The following FRMD4A variants were observed in gnomAD, a reference collection of about 807,000 sequenced individuals.
The protein encoded by FRMD4A is FERM domain-containing protein 4A.
A neutral mutation model predicts 129.1 loss-of-function variants in FRMD4A; 29 were observed. The observed-to-expected ratio is 0.22, with a 90% CI of 0.17 to 0.31. The LOEUF is 0.31. Among genes scored for constraint, FRMD4A ranks in the 10% least tolerant of loss-of-function variants. The pLI is 1.00. For missense variants in FRMD4A, 1,272 were observed against 1,375.8 expected, an observed-to-expected ratio of 0.92 and a Z score of 1.19; for synonymous variants, 634 against 571.6, an observed-to-expected ratio of 1.11 and a Z score of -1.56.
intron 2 of FRMD4A, among the ~76,000 whole-genome samples, chr10:14,011,881 C>A (rs975585940): frequency 6.6e-6 from 1 of 151,990 alleles, no homozygotes; most frequent in Admixed American, 6.6e-5. Context: ...TGGTGGTGGG[C>A]ACCTGTCATC....
In FRMD4A at chr10:13,884,154, T is replaced by TCACTCACACACACACA. The variant is rs1564970810; in HGVS notation, c.46-25243_46-25242insTGTGTGTGTGTGAGTG. 1.1e-3 allele frequency among the ~76,000 whole-genome samples: 121 copies of TCACTCACACACACACA among 111,216 alleles called. 5 individuals carry two copies. The highest frequency in any genetic ancestry group is 4.0e-3 in the African/African-American group (113 of 27,924). 73.0% of individuals were successfully genotyped at this position (111,216 alleles called of 152,430 possible). ...CACGCTCACACACACTCTCACACAC[T>TCACTCACACACACACA]CTCACACACACACTCACACACTCAC... is the stretch of plus-strand genomic sequence containing the variant. On this transcript the variant is annotated intron_variant, in intron 2 of 24. Coordinates refer to ENST00000357447, the MANE Select transcript of FRMD4A (RefSeq NM_018027.5).
intron 2 of FRMD4A, among the ~76,000 whole-genome samples, chr10:14,329,610 A>G (rs1038368124): frequency 1.3e-5 from 2 of 152,190 alleles, no homozygotes; most frequent in African/African-American, 4.8e-5. Flanking sequence ...ACAGGAAAGT[A>G]TGAGCAGATA....
intron 8 of FRMD4A, among the ~76,000 whole-genome samples, chr10:13,753,344 T>C (rs1050702727): frequency 1.3e-5 from 2 of 151,982 alleles, no homozygotes; most frequent in African/African-American, 4.8e-5. Flanking sequence ...TTGGGTTGGG[T>C]CCCATCTGTC....
chr10:13,812,758 C>G (rs1170137996), intron 3 of FRMD4A, among the ~76,000 whole-genome samples: 2 of 152,222 alleles, frequency 1.3e-5, no homozygotes, highest in Non-Finnish European at 2.9e-5. Flanking sequence ...AAGCTTCCTC[C>G]CCAGCAGACA....
chr10:14,235,851 T>A (rs1437352066), intron 2 of FRMD4A, among the ~76,000 whole-genome samples: 1 of 152,244 alleles, frequency 6.6e-6, no homozygotes. Context: ...CTGTATAGAA[T>A]TAAGCACAGA....
Position 13,971,985 on chromosome 10 carries a change from C to T in FRMD4A, c.46-113073G>A, listed in dbSNP as rs1051949249. 5 of 1,184,238 alleles carry T rather than the reference C, an allele frequency of 4.2e-6. No homozygotes were observed. In the African/African-American group the frequency reaches 6.4e-5, roughly 15 times the overall value. 73.4% of individuals were successfully genotyped at this position (1,184,238 alleles called of 1,614,324 possible). On this transcript the variant is annotated intron_variant, in intron 2 of 24. Coordinates refer to ENST00000357447, the MANE Select transcript of FRMD4A (RefSeq NM_018027.5). ...TACCCTCACCACCACCCTCACTAAT[C>T]CTCAGAGACTGCTTTCCTTCAAGGA...
intron 2 of FRMD4A, among the ~76,000 whole-genome samples, chr10:13,884,966 G>C (rs975454938): frequency 2.0e-5 from 3 of 152,218 alleles, no homozygotes; most frequent in African/African-American, 7.2e-5. Flanking sequence ...CACTTCTACA[G>C]CCAGCTGGCT....
intron 3 of FRMD4A, among the ~76,000 whole-genome samples, chr10:13,836,186 C>T (rs910793503): frequency 4.6e-5 from 7 of 152,226 alleles, no homozygotes; most frequent in South Asian, 4.2e-4. Context: ...GTAGTAGAGA[C>T]GGGGTTTTGC....
chr10:13,731,632 A>G (rs1406128927), intron 12 of FRMD4A, among the ~76,000 whole-genome samples: 2 of 144,606 alleles, frequency 1.4e-5, no homozygotes, highest in Non-Finnish European at 3.0e-5. Flanking sequence ...CTGGGCAACA[A>G]GAGCAAGACT....
At chr10:13,894,604 CT>C (rs530348890) in intron 2 of FRMD4A, among the ~76,000 whole-genome samples, 89 of 152,312 alleles carry the variant, frequency 5.8e-4, no homozygotes, top group African/African-American at 2.0e-3. Flanking sequence ...TCCTCTTTGT[CT>C]TCATCACATA....
intron 3 of FRMD4A, among the ~76,000 whole-genome samples, chr10:13,844,431 A>T (rs544273309): frequency 6.6e-6 from 1 of 152,272 alleles, no homozygotes; most frequent in South Asian, 2.1e-4. Flanking sequence ...AATATGGTCT[A>T]CTGATATTTT....
intron 2 of FRMD4A, among the ~76,000 whole-genome samples, chr10:14,103,967 C>T (rs1433126693): frequency 6.6e-6 from 1 of 152,230 alleles, no homozygotes; most frequent in Non-Finnish European, 1.5e-5. Context: ...AAGCTGAAGT[C>T]AACCAACTAC....
chr10:13,928,636 C>A (rs1269760938), intron 2 of FRMD4A, among the ~76,000 whole-genome samples: 1 of 152,114 alleles, frequency 6.6e-6, no homozygotes, highest in Non-Finnish European at 1.5e-5. Context: ...TCCTTAATGG[C>A]CTGTTCGTGA....
intron 9 of FRMD4A, among the ~76,000 whole-genome samples, chr10:13,742,275 G>A (rs926951368): frequency 7.9e-5 from 12 of 152,150 alleles, no homozygotes; most frequent in African/African-American, 1.9e-4. Flanking sequence ...TCCCACCCCC[G>A]CTTTCGGAAG....
intron 11 of FRMD4A, among the ~76,000 whole-genome samples, chr10:13,739,127 G>A (rs773469429): frequency 3.9e-5 from 6 of 152,118 alleles, no homozygotes; most frequent in South Asian, 2.1e-4. Flanking sequence ...CTGGCATCAC[G>A]GTTTTGAAAT....
chr10:14,307,979 T>A (rs557196338), intron 2 of FRMD4A, among the ~76,000 whole-genome samples: 25 of 150,946 alleles, frequency 1.7e-4, no homozygotes, highest in Non-Finnish European at 2.5e-4. Flanking sequence ...TGTTGAAGGC[T>A]GGTGGCAAAA....
Position 13,937,704 on chromosome 10 carries a change from C to A in FRMD4A, c.46-78792G>T, listed in dbSNP as rs150769249. 2.3e-3 allele frequency among the ~76,000 whole-genome samples: 347 copies of A among 152,266 alleles called. 3 individuals carry two copies. Among genetic ancestry groups the A allele is most frequent in the African/African-American group, 7.9e-3 (327 of 41,564 alleles). ...ATAAAACTGAAATGAAAAAAAGGGA[C>A]TTAAAATTAAAATTTAAAAAGCTCT... On this transcript the variant is annotated intron_variant, in intron 2 of 24. Transcript: ENST00000357447.
chr10:13,947,234 G>T (rs376947257), intron 2 of FRMD4A, among the ~76,000 whole-genome samples: 1 of 152,126 alleles, frequency 6.6e-6, no homozygotes, highest in African/African-American at 2.4e-5. Context: ...CTATGGATGC[G>T]CTAGGAGAAA....
intron 2 of FRMD4A, among the ~76,000 whole-genome samples, chr10:14,105,062 C>A (rs1837517699): frequency 6.6e-6 from 1 of 152,178 alleles, no homozygotes; most frequent in Non-Finnish European, 1.5e-5. Flanking sequence ...CGCGTGGAGT[C>A]TCTCTCATTC....
Sources: gnomAD v4.1 joint callset for allele counts (sites outside exome capture counted in the v4.1 genomes callset) on GRCh38, gnomAD v4.1.1 for gene constraint, MANE v1.5 for transcripts, NCBI Gene and HGNC (gene_info 2026-07-23, HGNC 2026-07-21) for gene names.